ADK: variants seen among roughly 807,000 people sequenced by gnomAD.
The protein encoded by ADK is N6,N6-dimethyladenosine kinase.
Under a neutral mutation model 44.7 loss-of-function variants are expected in ADK, and 24 were observed. That is an observed-to-expected ratio of 0.54 (90% confidence interval 0.39 to 0.76). ADK has a LOEUF of 0.76. ADK is among the 30% of genes least tolerant of loss of function. ADK has a pLI of 0.00. For missense variants in ADK, 321 were observed against 425.1 expected, an observed-to-expected ratio of 0.76 and a Z score of 2.15; for synonymous variants, 128 against 142.6, an observed-to-expected ratio of 0.90 and a Z score of 0.73.
intron 6 of ADK, among the ~76,000 whole-genome samples, chr10:74,426,691 T>C (rs970471117): frequency 2.0e-5 from 3 of 152,208 alleles, no homozygotes; most frequent in Admixed American, 6.5e-5. Flanking sequence ...TTTGAAAGCA[T>C]GTTAATGTCC....
chr10:74,163,029 A>G (rs945437897), intron 1 of ADK, among the ~76,000 whole-genome samples: 4 of 151,574 alleles, frequency 2.6e-5, no homozygotes, highest in South Asian at 2.1e-4. Context: ...GTGCAGTGGC[A>G]TGATCTCGGC....
chr10:74,444,622 C>G (rs1207014796), intron 6 of ADK, among the ~76,000 whole-genome samples: 2 of 152,016 alleles, frequency 1.3e-5, no homozygotes, highest in Non-Finnish European at 2.9e-5. Flanking sequence ...GACAGCTTAT[C>G]TTTCTTATAA....
chr10:74,315,291 A>G (rs538706272), intron 4 of ADK, among the ~76,000 whole-genome samples: 2 of 152,276 alleles, frequency 1.3e-5, no homozygotes, highest in East Asian at 3.9e-4. Context: ...ACATTCATAT[A>G]TTCATACCTA....
intron 6 of ADK, among the ~76,000 whole-genome samples, chr10:74,504,273 G>A (rs1399245786): frequency 6.6e-6 from 1 of 151,888 alleles, no homozygotes. Flanking sequence ...AATGCAGAAT[G>A]GGAAATGAAG....
chr10:74,451,972 A>G (rs756479134), intron 6 of ADK, among the ~76,000 whole-genome samples: 5 of 151,276 alleles, frequency 3.3e-5, no homozygotes, highest in African/African-American at 7.3e-5. Flanking sequence ...AAACATTTCA[A>G]TTTTCACTTG....
intron 6 of ADK, among the ~76,000 whole-genome samples, chr10:74,443,193 G>T (rs984454300): frequency 6.6e-6 from 1 of 152,090 alleles, no homozygotes; most frequent in Non-Finnish European, 1.5e-5. Context: ...AGATAAATTT[G>T]TAAGTTCATG....
At chr10:74,556,327 A>C (rs1357322608) in intron 7 of ADK, among the ~76,000 whole-genome samples, 1 of 152,232 alleles carries the variant, frequency 6.6e-6, no homozygotes, top group Admixed American at 6.5e-5. Context: ...TTTCTACGTA[A>C]GGACTGCATA....
chr10:74,671,070 G>A (rs1441398187), intron 10 of ADK, among the ~76,000 whole-genome samples: 1 of 142,156 alleles, frequency 7.0e-6, no homozygotes, highest in Non-Finnish European at 1.5e-5. Context: ...AGCAAGTGGA[G>A]CTGATGATTG....
At chr10:74,483,539 C>CT (rs1847151554) in intron 6 of ADK, among the ~76,000 whole-genome samples, 1 of 152,168 alleles carries the variant, frequency 6.6e-6, no homozygotes, top group Admixed American at 6.5e-5. Flanking sequence ...GAAAATTTCT[C>CT]TTTTCTACCA....
chr10:74,566,358 C>T (rs939341599), intron 7 of ADK, among the ~76,000 whole-genome samples: 5 of 151,932 alleles, frequency 3.3e-5, no homozygotes, highest in Non-Finnish European at 5.9e-5. Flanking sequence ...AGACATGCAC[C>T]ACCACACCCG....
chr10:74,574,576 G>T (rs144920613), intron 7 of ADK, among the ~76,000 whole-genome samples: 1 of 152,082 alleles, frequency 6.6e-6, no homozygotes, highest in Non-Finnish European at 1.5e-5. Context: ...TGCATACATC[G>T]TTGAAAATAC....
chr10:74,384,702 A>G (rs1843085042), intron 4 of ADK, among the ~76,000 whole-genome samples: 1 of 152,080 alleles, frequency 6.6e-6, no homozygotes, highest in African/African-American at 2.4e-5. Context: ...CAATGGGTAT[A>G]TAGAACAGAA....
intron 7 of ADK, among the ~76,000 whole-genome samples, chr10:74,545,795 A>G (rs1589235317): frequency 6.6e-6 from 1 of 152,218 alleles, no homozygotes; most frequent in South Asian, 2.1e-4. Context: ...GACTTGAATA[A>G]AAGTAAATGT....
chr10:74,468,295 G>C (rs954510904), intron 6 of ADK, among the ~76,000 whole-genome samples: 1 of 152,302 alleles, frequency 6.6e-6, no homozygotes, highest in Admixed American at 6.5e-5. Flanking sequence ...ATGTTGTTGA[G>C]ATGAAGTATT....
At chr10:74,660,781 C>G (rs1375084562) in intron 9 of ADK, among the ~76,000 whole-genome samples, 2 of 145,736 alleles carry the variant, frequency 1.4e-5, no homozygotes, top group Admixed American at 7.0e-5. Context: ...TGCCTGTAAT[C>G]CCAGCACTTT....
At chr10:74,396,583 G>A (rs1324317950) in intron 5 of ADK, among the ~76,000 whole-genome samples, 3 of 152,052 alleles carry the variant, frequency 2.0e-5, no homozygotes, top group Non-Finnish European at 4.4e-5. Context: ...GAAGTGTTTG[G>A]GTAATGCAGT....
At chr10:74,399,423 T>C (rs912896665) in intron 6 of ADK, among the ~76,000 whole-genome samples, 1 of 151,812 alleles carries the variant, frequency 6.6e-6, no homozygotes, top group Non-Finnish European at 1.5e-5. Context: ...CTAATGTTAA[T>C]GTCTCCTACA....
chr10:74,635,934 A>C (rs562966020), intron 9 of ADK, among the ~76,000 whole-genome samples: 1 of 152,088 alleles, frequency 6.6e-6, no homozygotes, highest in East Asian at 1.9e-4. Flanking sequence ...AAAAAAAAAA[A>C]AAAATTAGCT....
At chr10:74,477,696 C>G (rs1240118599) in intron 6 of ADK, among the ~76,000 whole-genome samples, 1 of 152,122 alleles carries the variant, frequency 6.6e-6, no homozygotes, top group African/African-American at 2.4e-5. Context: ...CTCATAGTCT[C>G]ACACCTTCCC....
Sources: allele counts gnomAD v4.1 joint callset (sites outside exome capture counted in the v4.1 genomes callset), GRCh38; gene constraint gnomAD v4.1.1; transcripts MANE v1.5; gene names NCBI Gene and HGNC (gene_info 2026-07-23, HGNC 2026-07-21).